The following ELMOD1 variants were observed in gnomAD, a reference collection of about 807,000 sequenced individuals.
ELMOD1 encodes the protein ELMO domain-containing protein 1.
In ELMOD1, 21 loss-of-function variants were observed where a neutral mutation model predicts 46.7. That is an observed-to-expected ratio of 0.45 (90% CI 0.32 to 0.65). The LOEUF (loss-of-function observed/expected upper bound fraction) is 0.65. ELMOD1 is among the 30% of genes least tolerant of loss of function. The pLI is 0.04. For synonymous variants in ELMOD1, 122 were observed against 138.2 expected, an observed-to-expected ratio of 0.88 and a Z score of 0.82; for missense variants, 348 against 407.8, an observed-to-expected ratio of 0.85 and a Z score of 1.26.
intron 6 of ELMOD1, among the ~76,000 whole-genome samples, chr11:107,645,821 TG>T (rs1417514138): frequency 4.6e-5 from 7 of 152,342 alleles, no homozygotes; most frequent in Non-Finnish European, 7.4e-5. Context: ...TTGTATAATG[TG>T]AATAGTAAGT....
At chr11:107,647,645 G>T in intron 7 of ELMOD1, 44 bp downstream of exon 7, 2 of 1,591,820 alleles carry the variant, frequency 1.3e-6, no homozygotes, top group Non-Finnish European at 1.7e-6. Context: ...TGATGTTTTG[G>T]TCTCCTCATA....
chr11:107,642,866 T>G, intron 6 of ELMOD1: 1 of 281,916 alleles, frequency 3.5e-6, no homozygotes, highest in Non-Finnish European at 7.2e-6. Context: ...GATCGTTATA[T>G]TTTTCTTTGT....
intron 11 of ELMOD1, among the ~76,000 whole-genome samples, chr11:107,663,796 T>G (rs995393115): frequency 1.3e-5 from 2 of 152,210 alleles, no homozygotes; most frequent in African/African-American, 4.8e-5. Context: ...GATTTTTTTG[T>G]ACTATTAGAA....
At chr11:107,628,505 T>C (rs1212696962) in intron 2 of ELMOD1, among the ~76,000 whole-genome samples, 9 of 151,838 alleles carry the variant, frequency 5.9e-5, no homozygotes, top group Admixed American at 5.9e-4. Flanking sequence ...AATTAAAATA[T>C]CCCACTAAAT....
chr11:107,638,426 A>G (rs576057305), intron 6 of ELMOD1, among the ~76,000 whole-genome samples: 1 of 152,302 alleles, frequency 6.6e-6, no homozygotes, highest in East Asian at 1.9e-4. Context: ...TCAGATGAGG[A>G]AACTGAAGCT....
At chr11:107,645,278 T>C (rs1319771269) in intron 6 of ELMOD1, among the ~76,000 whole-genome samples, 1 of 151,610 alleles carries the variant, frequency 6.6e-6, no homozygotes, top group African/African-American at 2.4e-5. Flanking sequence ...CCAATGACGA[T>C]CACCTGGTCT....
intron 6 of ELMOD1, among the ~76,000 whole-genome samples, chr11:107,646,617 C>T (rs1866430198): frequency 6.6e-6 from 1 of 152,076 alleles, no homozygotes; most frequent in Admixed American, 6.6e-5. Context: ...TGCCTGTAAT[C>T]CCAGCTACTC....
At chr11:107,644,949 A>C (rs1481474125) in intron 6 of ELMOD1, among the ~76,000 whole-genome samples, 2 of 143,728 alleles carry the variant, frequency 1.4e-5, no homozygotes, top group Non-Finnish European at 1.5e-5. Context: ...TTTTTGATAG[A>C]CTCTCACTCT....
rs1463568389 is a variant in ELMOD1 at position 107,617,655 on chromosome 11, AC to A, written c.-85-449del. Among the ~76,000 whole-genome samples the A allele has an allele frequency of 1.6e-4, 25 of 152,328 alleles. No homozygotes were observed. The East Asian group carries it at 4.8e-3, about 29-fold the overall frequency. ...GTGATTCTTGAGCTTGAGCTCTTTA[AC>A]AGTTGTCTTTTATCTTGAAGTTAGT... On this transcript the variant is annotated intron_variant, in intron 1 of 11. Coordinates refer to ENST00000265840, the MANE Select transcript of ELMOD1 (RefSeq NM_018712.4).
At chr11:107,646,981 T>TCTAC (rs1449848709) in intron 6 of ELMOD1, among the ~76,000 whole-genome samples, 2 of 136,240 alleles carry the variant, frequency 1.5e-5, no homozygotes, top group African/African-American at 5.9e-5. Context: ...TATCTATCTA[T>TCTAC]CTATCTACCT....
chr11:107,662,409 G>A (rs1385887235), intron 11 of ELMOD1, among the ~76,000 whole-genome samples: 2 of 151,642 alleles, frequency 1.3e-5, no homozygotes, highest in African/African-American at 2.4e-5. Context: ...TTGGGAGTTC[G>A]AGACCAGCCT....
At chr11:107,601,815 C>T (rs1865604456) in intron 1 of ELMOD1, among the ~76,000 whole-genome samples, 1 of 152,108 alleles carries the variant, frequency 6.6e-6, no homozygotes, top group South Asian at 2.1e-4. Context: ...TGTATACATT[C>T]ATATATGTCA....
In ELMOD1 at chr11:107,654,237, T is replaced by C. The variant is rs773837073; in HGVS notation, c.698+15T>C. 2 of 1,584,800 alleles carry C rather than the reference T, an allele frequency of 1.3e-6. No homozygotes were observed. ...AAGGCAATTGGGTGAGTATGGGATC[T>C]CACATGGAAAGATGGTCCGTCTGAA... is the stretch of plus-strand genomic sequence containing the variant. On this transcript the variant is annotated intron_variant, in intron 10 of 11. Transcript: ENST00000265840.
In ELMOD1 at chr11:107,655,929, A is replaced by G. The variant is rs201180117; in HGVS notation, c.699-4A>G. ...CAGTTGGTTTTGTGGTTTATACTTT[A>G]TAGGTACTCATTTGCAATTGTGGGC... On this transcript the variant is annotated splice_polypyrimidine_tract_variant and splice_region_variant and intron_variant, in intron 10 of 11. Transcript: ENST00000265840. 4.4e-6 allele frequency: 7 copies of G among 1,606,386 alleles called. No homozygotes were observed. In the Admixed American group the frequency reaches 6.8e-5, roughly 16 times the overall value.
chr11:107,599,900 T>G (rs147997820), intron 1 of ELMOD1, among the ~76,000 whole-genome samples: 593 of 152,270 alleles, frequency 3.9e-3, no homozygotes, highest in Non-Finnish European at 6.7e-3. Context: ...CATTGTTGTT[T>G]CATAGTCTTC....
At chr11:107,626,192 T>C (rs1407320989) in intron 2 of ELMOD1, among the ~76,000 whole-genome samples, 1 of 151,908 alleles carries the variant, frequency 6.6e-6, no homozygotes, top group African/African-American at 2.4e-5. Context: ...AAAACTAAGC[T>C]TATTGGTTTC....
Position 107,630,467 on chromosome 11 carries a change from G to T in ELMOD1, c.68G>T (p.Cys23Phe). 6.2e-7 allele frequency: 1 copy of T among 1,606,218 alleles called. No homozygotes were observed. The highest frequency in any genetic ancestry group is 8.5e-7 in the Non-Finnish European group (1 of 1,176,046). Residue 23 changes from cysteine (C) to phenylalanine (F), a missense_variant, in exon 3 of 12, where the codon TGC becomes TTC. Transcript: ENST00000265840. ...LYFYCKFLWR[C>F]LKFVMRKLTG... Reference sequence around the variant, plus strand: ...TTTTACTGTAAATTTCTGTGGCGCTGCCTGAAATTTGTAATGAGGAAGCTA... The same window carrying T: ...TTTTACTGTAAATTTCTGTGGCGCTTCCTGAAATTTGTAATGAGGAAGCTA...
chr11:107,628,595 A>G (rs938126088), intron 2 of ELMOD1, among the ~76,000 whole-genome samples: 2 of 151,426 alleles, frequency 1.3e-5, no homozygotes, highest in Non-Finnish European at 1.5e-5. Context: ...CTAAATCCTA[A>G]CAGATCTTAG....
intron 9 of ELMOD1, chr11:107,653,539 C>G (rs1049017337): frequency 6.6e-6 from 1 of 150,658 alleles, no homozygotes; most frequent in African/African-American, 2.4e-5. Context: ...ATGCTCCCTC[C>G]CTCCCTCCCT....
Sources: gnomAD v4.1 joint callset for allele counts (sites outside exome capture counted in the v4.1 genomes callset) on GRCh38, gnomAD v4.1.1 for gene constraint, MANE v1.5 for transcripts, NCBI Gene and HGNC (gene_info 2026-07-23, HGNC 2026-07-21) for gene names.